Variants in C14orf132 observed in about 807,000 individuals in gnomAD.
C14orf132 encodes uncharacterized protein C14orf132.
In C14orf132, 6 loss-of-function variants were observed where a neutral mutation model predicts 5.8. The ratio of observed to expected loss-of-function variants is 1.03; its 90% CI spans 0.57 to 2.04. The LOEUF is 2.04. Among genes scored for constraint, C14orf132 ranks in the 30% most tolerant of loss-of-function variants. The probability of loss-of-function intolerance (pLI) is 0.00; values close to 1 mark genes in which losing one functional copy is unlikely to be tolerated. For missense variants in C14orf132, 125 were observed against 115.8 expected, an observed-to-expected ratio of 1.08 and a Z score of -0.37; for synonymous variants, 51 against 49.8, an observed-to-expected ratio of 1.02 and a Z score of -0.10.
rs1000694228 is a variant in C14orf132 at position 96,072,286 on chromosome 14, C to T, written c.28-14225C>T. ...TGTCATATATGCAGTAAAATCTTGG[C>T]GCTGTAGAAAGAGCTTGGGACGTGG... On this transcript the variant is annotated intron_variant, in intron 1 of 1. Coordinates refer to ENST00000555004, the MANE Select transcript of C14orf132 (RefSeq NM_001252507.3). Among the ~76,000 whole-genome samples the T allele has an allele frequency of 7.2e-5, 11 of 152,280 alleles. 1 individual carries two copies. The highest frequency in any genetic ancestry group is 1.9e-4 in the East Asian group (1 of 5,184).
chr14:96,086,115 G>A (rs1888175844), intron 1 of C14orf132, among the ~76,000 whole-genome samples: 1 of 152,006 alleles, frequency 6.6e-6, no homozygotes, highest in Non-Finnish European at 1.5e-5. Context: ...ATTTTCTTAG[G>A]GTTCTATGCT....
Position 96,054,518 on chromosome 14 carries a change from C to G in C14orf132, c.27+14991C>G, listed in dbSNP as rs146562765. Among the ~76,000 whole-genome samples, 863 of 152,276 alleles carry G rather than the reference C, an allele frequency of 5.7e-3. 2 individuals carry two copies. Among genetic ancestry groups the G allele is most frequent in the Middle Eastern group, 0.02 (6 of 294 alleles). On this transcript the variant is annotated intron_variant, in intron 1 of 1. Coordinates refer to ENST00000555004, the MANE Select transcript of C14orf132 (RefSeq NM_001252507.3). ...AACAAGATGCTTAATTTCTTGGAGCCTCAGTTTCCCTTTCTGTTAAATGGG... is the reference window on the plus strand; with the variant it reads ...AACAAGATGCTTAATTTCTTGGAGCGTCAGTTTCCCTTTCTGTTAAATGGG...
chr14:96,078,983 A>G (rs758285754), intron 1 of C14orf132, among the ~76,000 whole-genome samples: 10 of 152,218 alleles, frequency 6.6e-5, no homozygotes, highest in Admixed American at 1.3e-4. Context: ...GTACCTAGCC[A>G]TGCACCTTCC....
At chr14:96,044,555 G>A (rs1009947566) in intron 1 of C14orf132, among the ~76,000 whole-genome samples, 8 of 152,196 alleles carry the variant, frequency 5.3e-5, no homozygotes, top group Non-Finnish European at 2.9e-5. Context: ...TACAAACTGG[G>A]TGGTTTAAAA....
rs1382562763 is a variant in C14orf132, at chr14:96,088,599, CA to C, written c.*1865del. 3 of 152,276 alleles carry C rather than the reference CA, an allele frequency of 2.0e-5. No individual in the cohort carries two copies. The highest frequency in any genetic ancestry group is 7.2e-5 in the African/African-American group (3 of 41,470). 9.4% of individuals were successfully genotyped at this position (152,276 alleles called of 1,614,324 possible). ...AAGATCTTTAACAGATGGATGTCTC[CA>C]TGAGAAAACCCAAGGCGAGAAGCCC... On this transcript the variant is annotated 3_prime_UTR_variant, in exon 2 of 2. Coordinates refer to ENST00000555004, the MANE Select transcript of C14orf132 (RefSeq NM_001252507.3).
At chr14:96,079,024 A>C in intron 1 of C14orf132, among the ~76,000 whole-genome samples, 1 of 152,226 alleles carries the variant, frequency 6.6e-6, no homozygotes, top group Non-Finnish European at 1.5e-5. Context: ...AGTGTAATCC[A>C]CATAAAATAA....
At chr14:96,067,175 G>A (rs1269264910) in intron 1 of C14orf132, among the ~76,000 whole-genome samples, 1 of 152,212 alleles carries the variant, frequency 6.6e-6, no homozygotes, top group African/African-American at 2.4e-5. Context: ...CATAGATAGA[G>A]GGACCTGCAG....
rs1566823889 is a variant in C14orf132, at chr14:96,049,620, GTATATATATACATATATACGTA to G, written c.27+10104_27+10125del. Among the ~76,000 whole-genome samples, 12 of 87,586 alleles carry G rather than the reference GTATATATATACATATATACGTA, an allele frequency of 1.4e-4. 1 individual carries two copies. Among genetic ancestry groups the G allele is most frequent in the Middle Eastern group, 0.011 (2 of 184 alleles). 57.5% of individuals were successfully genotyped at this position (87,586 alleles called of 152,430 possible). A position where few individuals can be genotyped will look rare whatever the true frequency, so the allele number is the denominator to read the frequency against. The stretch of plus-strand genomic sequence containing the variant: ...TATACGTATATATATACATATATAC[GTATATATATACATATATACGTA>G]TATATATATATAGAGAGAGAGAGAG... On this transcript the variant is annotated intron_variant, in intron 1 of 1. Transcript: ENST00000555004.
intron 1 of C14orf132, among the ~76,000 whole-genome samples, chr14:96,074,865 TG>T (rs1361673597): frequency 9.4e-6 from 1 of 106,822 alleles, no homozygotes; most frequent in East Asian, 8.2e-4. Flanking sequence ...TCACCAAATT[TG>T]TTTTCTTTTT....
At chr14:96,049,576 A>C (rs1376445872) in intron 1 of C14orf132, among the ~76,000 whole-genome samples, 1 of 123,666 alleles carries the variant, frequency 8.1e-6, no homozygotes, top group African/African-American at 2.7e-5. Flanking sequence ...ATATACATAT[A>C]TACGTATATA....
At chr14:96,049,236 C>A (rs1300971676) in intron 1 of C14orf132, among the ~76,000 whole-genome samples, 20 of 152,114 alleles carry the variant, frequency 1.3e-4, no homozygotes, top group Non-Finnish European at 5.9e-5. Context: ...CTATAAACAT[C>A]TGTGTTCAGG....
At chr14:96,040,064 C>A (rs1001971069) in intron 1 of C14orf132, among the ~76,000 whole-genome samples, 1 of 151,900 alleles carries the variant, frequency 6.6e-6, no homozygotes, top group African/African-American at 2.4e-5. Context: ...GCGCCGCGGT[C>A]GTTTGTCCTG....
intron 1 of C14orf132, among the ~76,000 whole-genome samples, chr14:96,054,821 C>G (rs1456017267): frequency 6.6e-6 from 1 of 152,170 alleles, no homozygotes; most frequent in African/African-American, 2.4e-5. Context: ...CATAATAATT[C>G]AGGAAAATCT....
At chr14:96,084,300 A>C (rs1257308348) in intron 1 of C14orf132, among the ~76,000 whole-genome samples, 1 of 151,788 alleles carries the variant, frequency 6.6e-6, no homozygotes, top group Non-Finnish European at 1.5e-5. Context: ...ATGTGGGGGC[A>C]GAACAATCCC....
intron 1 of C14orf132, among the ~76,000 whole-genome samples, chr14:96,064,808 A>G (rs1292884469): frequency 2.6e-5 from 4 of 152,148 alleles, no homozygotes; most frequent in Non-Finnish European, 5.9e-5. Context: ...CTGTACCCCA[A>G]TAACTCATGG....
At position 96,088,240 on chromosome 14, in the gene C14orf132, G is replaced by A. The variant is rs1025155192; in HGVS notation, c.*1505G>A. 15 of 152,154 alleles carry A rather than the reference G, an allele frequency of 9.9e-5. No individual in the cohort carries two copies. The highest frequency in any genetic ancestry group is 3.4e-4 in the African/African-American group (14 of 41,426). 9.4% of individuals were successfully genotyped at this position (152,154 alleles called of 1,614,324 possible). A position where few individuals can be genotyped will look rare whatever the true frequency, so the allele number is the denominator to read the frequency against. ...TGACAGGCAAAGGGACATCTTAGTT[G>A]TCCAGAAGCGGCACTCTTCCCTGGA... On this transcript the variant is annotated 3_prime_UTR_variant, in exon 2 of 2. Transcript: ENST00000555004.
At chr14:96,054,263 C>T (rs947658373) in intron 1 of C14orf132, among the ~76,000 whole-genome samples, 28 of 152,204 alleles carry the variant, frequency 1.8e-4, no homozygotes, top group African/African-American at 6.5e-4. Flanking sequence ...AGTCAGGTCT[C>T]CCTGGGCTAC....
intron 1 of C14orf132, among the ~76,000 whole-genome samples, chr14:96,063,858 A>G (rs895213160): frequency 1.3e-5 from 2 of 152,132 alleles, no homozygotes; most frequent in Non-Finnish European, 2.9e-5. Flanking sequence ...CTACAACAAA[A>G]TCAAACAAAT....
intron 1 of C14orf132, among the ~76,000 whole-genome samples, chr14:96,073,268 G>GTA (rs1010494039): frequency 2.0e-5 from 3 of 151,958 alleles, no homozygotes; most frequent in African/African-American, 2.4e-5. Context: ...TTTGCCCTCT[G>GTA]TATATATATC....
Sources: gnomAD v4.1 joint callset for allele counts (sites outside exome capture counted in the v4.1 genomes callset) on GRCh38, gnomAD v4.1.1 for gene constraint, MANE v1.5 for transcripts, NCBI Gene and HGNC (gene_info 2026-07-23, HGNC 2026-07-21) for gene names.